The following ADAMTS3 variants were observed in gnomAD, a reference collection of about 807,000 sequenced individuals.
The protein encoded by ADAMTS3 is A disintegrin and metalloproteinase with thrombospondin motifs 3.
ADAMTS3 carries 73 observed loss-of-function variants against 129.0 expected under a neutral mutation model. The ratio of observed to expected loss-of-function variants is 0.57; its 90% CI spans 0.47 to 0.69. The LOEUF (loss-of-function observed/expected upper bound fraction) is 0.69, where lower values mean the gene tolerates loss of function less well. ADAMTS3 is among the 30% of genes least tolerant of loss of function. ADAMTS3 has a pLI of 0.00. For missense variants in ADAMTS3, 1,457 were observed against 1,514.5 expected (o/e 0.96, Z 0.63); for synonymous variants, 477 against 510.8 (o/e 0.93, Z 0.89).
chr4:72,544,108 G>T (rs1034791377), intron 3 of ADAMTS3, among the ~76,000 whole-genome samples: 1 of 152,068 alleles, frequency 6.6e-6, no homozygotes, highest in Admixed American at 6.6e-5. Context: ...TATTTAGGAT[G>T]ACAAAGCACC....
intron 4 of ADAMTS3, among the ~76,000 whole-genome samples, chr4:72,354,663 T>C (rs1048772746): frequency 6.6e-6 from 1 of 152,038 alleles, no homozygotes; most frequent in Non-Finnish European, 1.5e-5. Context: ...GACATTCCAA[T>C]GTCTTTTCAT....
intron 3 of ADAMTS3, among the ~76,000 whole-genome samples, chr4:72,442,487 C>T (rs962391073): frequency 1.3e-5 from 2 of 151,598 alleles, no homozygotes; most frequent in African/African-American, 2.4e-5. Context: ...AAAAGCAAGG[C>T]AGGAGGAAGG....
chr4:72,502,350 C>A (rs907167469), intron 3 of ADAMTS3, among the ~76,000 whole-genome samples: 3 of 151,972 alleles, frequency 2.0e-5, no homozygotes, highest in African/African-American at 7.2e-5. Flanking sequence ...TGGAAGGTTG[C>A]GTGTTTCCAG....
Position 72,290,913 on chromosome 4 carries a change from C to T in ADAMTS3, c.2873G>A (p.Arg958His), listed in dbSNP as rs553440149. The T allele has an allele frequency of 2.5e-5, 40 of 1,613,982 alleles. No individual in the cohort carries two copies. Among genetic ancestry groups the T allele is most frequent in the East Asian group, 1.8e-4 (8 of 44,824 alleles). ...GCAGGGCACTCTGTTACAGGGCCGGCGGCTCTCGGGACGGTCACCCATGCA... is the reference window on the plus strand; with the variant it reads ...GCAGGGCACTCTGTTACAGGGCCGGTGGCTCTCGGGACGGTCACCCATGCA... ...KYCMGDRPES[R>H]RPCNRVPCPA... The change falls in exon 20 of 22, where the codon CGC (arginine) becomes CAC (histidine). Residue 958 changes from arginine (R) to histidine (H), a missense_variant. Physicochemically the swap from Arg to His is conservative, Grantham distance 29. Coordinates refer to ENST00000286657, the MANE Select transcript of ADAMTS3 (RefSeq NM_014243.3).
intron 3 of ADAMTS3, among the ~76,000 whole-genome samples, chr4:72,512,306 A>C (rs1720337886): frequency 6.6e-6 from 1 of 152,116 alleles, no homozygotes; most frequent in Non-Finnish European, 1.5e-5. Flanking sequence ...AGCCTGGCCA[A>C]TATGGTGAAA....
intron 4 of ADAMTS3, among the ~76,000 whole-genome samples, chr4:72,341,569 A>T (rs1372539566): frequency 1.3e-5 from 2 of 152,218 alleles, no homozygotes; most frequent in Non-Finnish European, 2.9e-5. Flanking sequence ...GGAAATTCAG[A>T]CATGAGCTCT....
chr4:72,295,759 C>A lies in ADAMTS3; in HGVS notation c.2618G>T (p.Arg873Leu). 6.2e-7 allele frequency: 1 copy of A among 1,612,546 alleles called. No individual in the cohort carries two copies. The highest frequency in any genetic ancestry group is 1.1e-5 in the South Asian group (1 of 91,008). ...GGFQYTKYGCRRKSDNKMVHR... is the reference protein window; with the variant it reads ...GGFQYTKYGCLRKSDNKMVHR... ...GACCATTTTATTATCACTTTTCCTACGGCATCCATATTTAGTGTACTGGAA... is the reference window on the plus strand; with the variant it reads ...GACCATTTTATTATCACTTTTCCTAAGGCATCCATATTTAGTGTACTGGAA... Residue 873 changes from arginine (R) to leucine (L), a missense_variant, in exon 19 of 22, where the codon CGT becomes CTT. Coordinates refer to ENST00000286657, the MANE Select transcript of ADAMTS3 (RefSeq NM_014243.3).
intron 4 of ADAMTS3, among the ~76,000 whole-genome samples, chr4:72,353,681 C>T (rs987230743): frequency 6.6e-6 from 1 of 151,996 alleles, no homozygotes; most frequent in Non-Finnish European, 1.5e-5. Context: ...TCAATCCTTC[C>T]AAAGATTTAA....
chr4:72,465,747 G>C (rs559490204), intron 3 of ADAMTS3, among the ~76,000 whole-genome samples: 1 of 152,104 alleles, frequency 6.6e-6, no homozygotes, highest in African/African-American at 2.4e-5. Flanking sequence ...ACCTTGAATT[G>C]CAATAATCCC....
chr4:72,552,006 G>C (rs549034120), intron 2 of ADAMTS3, among the ~76,000 whole-genome samples: 37 of 152,284 alleles, frequency 2.4e-4, no homozygotes, highest in African/African-American at 7.9e-4. Flanking sequence ...GGTTTTGGAG[G>C]AAGAAACTGG....
chr4:72,369,928 T>C (rs1236554339), intron 4 of ADAMTS3, among the ~76,000 whole-genome samples: 3 of 152,174 alleles, frequency 2.0e-5, no homozygotes, highest in African/African-American at 4.8e-5. Context: ...TCCACCACTT[T>C]CCACTGCTTT....
chr4:72,563,753 C>A (rs533692815), intron 2 of ADAMTS3, among the ~76,000 whole-genome samples: 8 of 152,116 alleles, frequency 5.3e-5, no homozygotes, highest in Non-Finnish European at 1.0e-4. Context: ...CAAGAGCATT[C>A]AAGGAAATTC....
intron 19 of ADAMTS3, among the ~76,000 whole-genome samples, chr4:72,291,739 G>A (rs1017115695): frequency 1.3e-5 from 2 of 152,008 alleles, no homozygotes; most frequent in African/African-American, 4.8e-5. Context: ...ATAGAAGCAT[G>A]ATTTATAGTC....
At chr4:72,322,818 G>A (rs1046201812) in intron 6 of ADAMTS3, among the ~76,000 whole-genome samples, 196 bp downstream of exon 6, 2 of 152,114 alleles carry the variant, frequency 1.3e-5, no homozygotes, top group Admixed American at 6.5e-5. Flanking sequence ...AGTGGCAGCT[G>A]CACAAAAATC....
chr4:72,340,311 A>G (rs1720102003), intron 4 of ADAMTS3, among the ~76,000 whole-genome samples: 1 of 76,918 alleles, frequency 1.3e-5, no homozygotes, highest in South Asian at 7.0e-4. Flanking sequence ...TATACTATAT[A>G]CATAAGTGTG....
intron 3 of ADAMTS3, among the ~76,000 whole-genome samples, chr4:72,483,637 C>T (rs1719499281): frequency 6.6e-6 from 1 of 152,184 alleles, no homozygotes; most frequent in South Asian, 2.1e-4. Flanking sequence ...GTTTTCACTA[C>T]TCCTAGTATC....
At chr4:72,494,787 A>C (rs1239584013) in intron 3 of ADAMTS3, among the ~76,000 whole-genome samples, 2 of 152,138 alleles carry the variant, frequency 1.3e-5, no homozygotes, top group African/African-American at 4.8e-5. Flanking sequence ...GCTTTGGCTC[A>C]GTTTGGGGGT....
At chr4:72,549,019 T>A in intron 2 of ADAMTS3, 135 bp from the exon 3 acceptor site, 1 of 692,142 alleles carries the variant, frequency 1.4e-6, no homozygotes, top group Non-Finnish European at 2.2e-6. Flanking sequence ...AATCAGCTCA[T>A]AAATATTAAA....
At chr4:72,366,687 A>G (rs1720877302) in intron 4 of ADAMTS3, among the ~76,000 whole-genome samples, 3 of 152,136 alleles carry the variant, frequency 2.0e-5, no homozygotes, top group Admixed American at 2.0e-4. Context: ...TAAAGCATTC[A>G]GAAAGAAACT....
Sources: allele counts gnomAD v4.1 joint callset (sites outside exome capture counted in the v4.1 genomes callset), GRCh38; gene constraint gnomAD v4.1.1; transcripts MANE v1.5; gene names NCBI Gene and HGNC (gene_info 2026-07-23, HGNC 2026-07-21).